LFNG: variants seen among roughly 807,000 people sequenced by gnomAD.
LFNG encodes the protein LFNG O-fucosylpeptide 3-beta-N-acetylglucosaminyltransferase.
LFNG carries 15 observed loss-of-function variants against 32.7 expected under a neutral mutation model. The observed-to-expected ratio is 0.46, with a 90% confidence interval of 0.31 to 0.71. The LOEUF is 0.71. Ranked by LOEUF, LFNG falls within the 30% of genes least tolerant of loss-of-function variation. The probability of loss-of-function intolerance (pLI) is 0.06; values close to 1 mark genes in which losing one functional copy is unlikely to be tolerated. For missense variants in LFNG, 520 were observed against 545.7 expected (o/e 0.95, Z 0.47); for synonymous variants, 274 against 246.8 (o/e 1.11, Z -1.03).
At chr7:2,518,298 C>T (rs890843650), upstream of LFNG, among the ~76,000 whole-genome samples, 8 of 152,174 alleles carry the variant, frequency 5.3e-5, no homozygotes, top group African/African-American at 1.7e-4. Flanking sequence ...TGGGCACAGC[C>T]AGCACCATCT....
upstream of LFNG, chr7:2,518,070 T>A (rs1478084881): frequency 2.7e-6 from 1 of 370,650 alleles, no homozygotes; most frequent in African/African-American, 2.2e-5. Flanking sequence ...GTCAGCGGTG[T>A]GACTGAAGCA....
At chr7:2,513,130 G>A (rs1779531234), upstream of LFNG, 1 of 1,611,948 alleles carries the variant, frequency 6.2e-7, no homozygotes, top group Non-Finnish European at 8.5e-7. Flanking sequence ...AACCCCTGTT[G>A]AATCCTCACC....
Position 2,526,972 on chromosome 7 carries a change from CA to C in LFNG, c.1073+52del. ...CTTGCGTAGGGTGGCCTAGGGGCGTCAGGGGGCCTCGTGGAGCTGCAGCAGG... is the reference window on the plus strand; with the variant it reads ...CTTGCGTAGGGTGGCCTAGGGGCGTCGGGGGCCTCGTGGAGCTGCAGCAGG... On this transcript the variant is annotated intron_variant, in intron 7 of 7. Coordinates refer to ENST00000222725, the MANE Select transcript of LFNG (RefSeq NM_001040167.2). The surrounding 1 kb of genome is among the most constrained non-coding windows in gnomAD (Gnocchi z 6.9). The C allele has an allele frequency of 1.9e-6, 3 of 1,550,300 alleles. No individual in the cohort carries two copies. In the South Asian group the frequency reaches 3.4e-5, roughly 17 times the overall value.
upstream of LFNG, among the ~76,000 whole-genome samples, chr7:2,517,307 G>C (rs564348904): frequency 1.3e-5 from 2 of 152,336 alleles, no homozygotes; most frequent in African/African-American, 4.8e-5. Context: ...GCCCCCACAA[G>C]AATGCTGTAA....
chr7:2,520,632 C>G lies in LFNG; in HGVS notation c.432+339C>G, dbSNP rs1213980709. Among the ~76,000 whole-genome samples, 1 of 152,260 alleles carries G rather than the reference C, an allele frequency of 6.6e-6. No homozygotes were observed. Among genetic ancestry groups the G allele is most frequent in the Non-Finnish European group, 1.5e-5 (1 of 68,040 alleles). On this transcript the variant is annotated intron_variant, in intron 1 of 7. Coordinates refer to ENST00000222725, the MANE Select transcript of LFNG (RefSeq NM_001040167.2). This position sits in a 1 kb window ranked among gnomAD's most constrained non-coding sequence, Gnocchi z 5.0. ...GCGCATTCATAGGGCATTATGTCCT[C>G]AAACTTCCACAAGCAAATTCTGTTC...
Position 2,524,736 on chromosome 7 carries a change from G to T in LFNG, c.474G>T (p.Arg158Ser). Residue 158 changes from arginine (R) to serine (S), a missense_variant, in exon 2 of 8, where the codon AGG (arginine) becomes AGT (serine). Around this residue, in one of 3 missense-constraint regions of LFNG, gnomAD observed 360 missense variants for 354.7 expected, o/e 1.01. Coordinates refer to ENST00000222725, the MANE Select transcript of LFNG (RefSeq NM_001040167.2). The stretch of plus-strand genomic sequence containing the variant: ...ACGGGGAAGATGAGGCCCTGGCCAG[G>T]CACACGGGTGAGCCCTGGACTTGGG... ...FTDGEDEALA[R>S]HTGNVVITNC... The T allele has an allele frequency of 6.3e-7, 1 of 1,588,782 alleles. No individual in the cohort carries two copies. Among genetic ancestry groups the T allele is most frequent in the Non-Finnish European group, 8.6e-7 (1 of 1,167,758 alleles).
intron 5 of LFNG, 115 bp downstream of exon 5, chr7:2,525,885 C>A: frequency 1.1e-6 from 1 of 892,576 alleles, no homozygotes; most frequent in Non-Finnish European, 1.8e-6. Flanking sequence ...TGTGGCACTG[C>A]CCACTTACTT....
At chr7:2,517,692 A>G (rs1779662148), upstream of LFNG, 2 of 465,942 alleles carry the variant, frequency 4.3e-6, no homozygotes, top group South Asian at 3.1e-5. Flanking sequence ...CATCGGTGCC[A>G]CTGATGTAAA....
upstream of LFNG, among the ~76,000 whole-genome samples, chr7:2,514,942 G>T (rs992510956): frequency 7.9e-6 from 1 of 126,598 alleles, no homozygotes; most frequent in African/African-American, 3.0e-5. Flanking sequence ...ATCCATCCAT[G>T]TATCTATCCA....
At chr7:2,528,591 G>A (rs1192795566), downstream of LFNG, among the ~76,000 whole-genome samples, 1 of 152,162 alleles carries the variant, frequency 6.6e-6, no homozygotes, top group African/African-American at 2.4e-5. Flanking sequence ...GAAACCTGGC[G>A]TCACTATAGC....
chr7:2,528,371 G>T lies in LFNG; in HGVS notation c.*1159G>T. On this transcript the variant is annotated 3_prime_UTR_variant, in exon 8 of 8. Coordinates refer to ENST00000222725, the MANE Select transcript of LFNG (RefSeq NM_001040167.2). ...ATAAGGGAAAAGTTCTCAGGGAATT[G>T]AAGTGTTGTTGCTATGGTGACGTCC... is the stretch of plus-strand genomic sequence containing the variant. The T allele has an allele frequency of 1.0e-6, 1 of 986,492 alleles. No homozygotes were observed. Among genetic ancestry groups the T allele is most frequent in the Non-Finnish European group, 1.2e-6 (1 of 830,196 alleles). The allele number at this position is 986,492 out of a possible 1,614,324, so 61.1% of individuals were successfully genotyped here. A position where few individuals can be genotyped will look rare whatever the true frequency, so the allele number is the denominator to read the frequency against.
At chr7:2,521,043 G>T (rs1022457506) in intron 1 of LFNG, among the ~76,000 whole-genome samples, 1 of 152,192 alleles carries the variant, frequency 6.6e-6, no homozygotes, top group African/African-American at 2.4e-5. Flanking sequence ...GACTGGGGGG[G>T]TGTCTCTGGG....
At chr7:2,523,638 C>T (rs1265727164) in intron 1 of LFNG, 7 of 152,206 alleles carry the variant, frequency 4.6e-5, no homozygotes, top group African/African-American at 1.7e-4. Context: ...CCGGCGACTC[C>T]TGGCCCCGCC....
At chr7:2,523,351 T>C (rs1013188626) in intron 1 of LFNG, among the ~76,000 whole-genome samples, 8 of 152,146 alleles carry the variant, frequency 5.3e-5, no homozygotes, top group African/African-American at 1.2e-4. Flanking sequence ...CCCTTAGCTC[T>C]GGGCCTCACC....
In LFNG at chr7:2,525,199, A is replaced by T. The variant is rs775393521; in HGVS notation, c.482-20A>T. On this transcript the variant is annotated intron_variant, in intron 2 of 7. Coordinates refer to ENST00000222725, the MANE Select transcript of LFNG (RefSeq NM_001040167.2). ...TGGGAGCCGGCTCAGACCTACTCACAGCCGCTCCCCTGTCCACAGGCAACG... is the reference window on the plus strand; with the variant it reads ...TGGGAGCCGGCTCAGACCTACTCACTGCCGCTCCCCTGTCCACAGGCAACG... 4 of 1,609,048 alleles carry T rather than the reference A, an allele frequency of 2.5e-6. No homozygotes were observed. In the African/African-American group the frequency reaches 5.3e-5, roughly 22 times the overall value.
At chr7:2,524,514 T>C in intron 1 of LFNG, 181 bp from the exon 2 acceptor site, 1 of 672,246 alleles carries the variant, frequency 1.5e-6, no homozygotes, top group Non-Finnish European at 2.8e-6. Flanking sequence ...CAGATGGCAC[T>C]GAGATGGGGC....
chr7:2,518,677 T>C (rs529529370), upstream of LFNG: 31 of 1,561,094 alleles, frequency 2.0e-5, no homozygotes, highest in African/African-American at 3.4e-4. Context: ...AGGGGGGCAG[T>C]TTAGCCACGG....
rs200232463 is a variant in LFNG at position 2,526,824 on chromosome 7, C to G, written c.988-12C>G. On this transcript the variant is annotated splice_polypyrimidine_tract_variant and intron_variant, in intron 6 of 7. Coordinates refer to ENST00000222725, the MANE Select transcript of LFNG (RefSeq NM_001040167.2). This position sits in a 1 kb window ranked among gnomAD's most constrained non-coding sequence, Gnocchi z 6.9. ...GGGCCCCTCCCGGCATCACTCCGCCCGCTCCCCACAGGTGACGCTGAGCTA... is the reference window on the plus strand; with the variant it reads ...GGGCCCCTCCCGGCATCACTCCGCCGGCTCCCCACAGGTGACGCTGAGCTA... The G allele has an allele frequency of 9.9e-6, 16 of 1,611,906 alleles. No individual in the cohort carries two copies. Among genetic ancestry groups the G allele is most frequent in the Admixed American group, 3.3e-5 (2 of 59,972 alleles).
intron 5 of LFNG, 148 bp downstream of exon 5, chr7:2,525,918 G>C (rs1779955248): frequency 1.3e-6 from 1 of 794,830 alleles, no homozygotes; most frequent in Non-Finnish European, 2.1e-6. Context: ...TTCCCTCTGG[G>C]TTTCAGAGGG....
Sources: allele counts gnomAD v4.1 joint callset (sites outside exome capture counted in the v4.1 genomes callset), GRCh38; gene constraint gnomAD v4.1.1; regional missense constraint gnomAD v4.1.1; non-coding constraint Gnocchi (gnomAD v3.1); transcripts MANE v1.5; gene names NCBI Gene and HGNC (gene_info 2026-07-23, HGNC 2026-07-21).